The following EML4 variants were observed in gnomAD, a reference collection of about 807,000 sequenced individuals.
EML4 encodes the protein EMAP like 4.
In EML4, 72 loss-of-function variants were observed where a neutral mutation model predicts 129.0. The observed-to-expected ratio is 0.56, with a 90% confidence interval of 0.46 to 0.68. The LOEUF is 0.68. Ranked by LOEUF, EML4 falls within the 30% of genes least tolerant of loss-of-function variation. EML4 has a pLI of 0.00. For missense variants in EML4, 1,363 were observed against 1,190.6 expected, an observed-to-expected ratio of 1.14 and a Z score of -2.13; for synonymous variants, 532 against 405.0, an observed-to-expected ratio of 1.31 and a Z score of -3.77.
In EML4 at chr2:42,261,185, A is replaced by C. The variant is rs770348859; in HGVS notation, c.403A>C (p.Asn135His). ...AGAAAAAAAAGAGGAATCTCATTCTAATGATCAAAGTCCACAAATTCGAGC... is the reference window on the plus strand; with the variant it reads ...AGAAAAAAAAGAGGAATCTCATTCTCATGATCAAAGTCCACAAATTCGAGC... The part of the protein sequence containing the change: ...QREKKEESHS[N>H]DQSPQIRASP... The change falls in exon 4 of 23, where the codon AAT (asparagine) becomes CAT (histidine). Residue 135 changes from asparagine (N) to histidine (H), a missense_variant. By Grantham distance (68) the Asn-to-His change is moderately conservative. Transcript: ENST00000318522. The C allele has an allele frequency of 5.0e-6, 8 of 1,613,916 alleles. No homozygotes were observed. Among genetic ancestry groups the C allele is most frequent in the Non-Finnish European group, 6.8e-6 (8 of 1,179,860 alleles).
At position 42,330,927 on chromosome 2, in the gene EML4, T is replaced by C. The variant is rs1670069604; in HGVS notation, c.*720T>C. 1 of 203,968 alleles carries C rather than the reference T, an allele frequency of 4.9e-6. No homozygotes were observed. Among genetic ancestry groups the C allele is most frequent in the South Asian group, 1.9e-4 (1 of 5,324 alleles). The allele number at this position is 203,968 out of a possible 1,614,324, so 12.6% of individuals were successfully genotyped here. A position where few individuals can be genotyped will look rare whatever the true frequency, so the allele number is the denominator to read the frequency against. Reference sequence around the variant, plus strand: ...AGAGCATTGGTTTGTTAAAGAGCTTTCAATGTATATTAAAACCTTCAATAC... The same window carrying C: ...AGAGCATTGGTTTGTTAAAGAGCTTCCAATGTATATTAAAACCTTCAATAC... On this transcript the variant is annotated 3_prime_UTR_variant, in exon 23 of 23. Coordinates refer to ENST00000318522, the MANE Select transcript of EML4 (RefSeq NM_019063.5).
intron 17 of EML4, among the ~76,000 whole-genome samples, chr2:42,314,328 C>T (rs937169517): frequency 7.2e-5 from 11 of 152,004 alleles, no homozygotes; most frequent in Non-Finnish European, 1.5e-4. Flanking sequence ...CACTGCACTC[C>T]AGCCTGGGGG....
intron 1 of EML4, among the ~76,000 whole-genome samples, chr2:42,230,881 C>T (rs1376075625): frequency 2.6e-5 from 4 of 152,262 alleles, no homozygotes; most frequent in South Asian, 2.1e-4. Flanking sequence ...TCTATTTTAG[C>T]CCTTCACATC....
intron 19 of EML4, among the ~76,000 whole-genome samples, chr2:42,323,945 AT>A (rs954107377): frequency 3.3e-5 from 5 of 150,346 alleles, no homozygotes; most frequent in African/African-American, 1.2e-4. Flanking sequence ...CTCTGTCTCA[AT>A]TAAAAAAAAA....
At position 42,169,645 on chromosome 2, in the gene EML4, G is replaced by A; in HGVS notation, c.25+9G>A. On this transcript the variant is annotated intron_variant, in intron 1 of 22. Coordinates refer to ENST00000318522, the MANE Select transcript of EML4 (RefSeq NM_019063.5). ...TTTCGCCGGCAGTCTCGGTGAGTAC[G>A]GCTGGGGAGTCCTGCGTCTTCTGCG... is the stretch of plus-strand genomic sequence containing the variant. 1 of 1,600,668 alleles carries A rather than the reference G, an allele frequency of 6.2e-7. No homozygotes were observed. The highest frequency in any genetic ancestry group is 8.5e-7 in the Non-Finnish European group (1 of 1,173,918).
chr2:42,222,101 AAC>A (rs1382580917), intron 1 of EML4, among the ~76,000 whole-genome samples: 1 of 152,114 alleles, frequency 6.6e-6, no homozygotes, highest in African/African-American at 2.4e-5. Flanking sequence ...CATGTTAATT[AAC>A]ACACCAGTGA....
rs978816145 is a variant in EML4 at position 42,303,221 on chromosome 2, G to C, written c.1759G>C (p.Glu587Gln). The C allele has an allele frequency of 6.2e-7, 1 of 1,614,148 alleles. No individual in the cohort carries two copies. The highest frequency in any genetic ancestry group is 8.5e-7 in the Non-Finnish European group (1 of 1,180,016). The change falls in exon 15 of 23, where the codon GAA becomes CAA. Residue 587 changes from glutamate to glutamine, a missense_variant. Transcript: ENST00000318522. ...RGTFNDGFQI[E>Q]VQGHTDELWG... ...AACATTTAATGATGGCTTCCAAATA[G>C]AAGTACAGGTAAGCTGTGTGATATT...
intron 1 of EML4, among the ~76,000 whole-genome samples, chr2:42,240,574 C>T (rs1254379311): frequency 6.6e-6 from 1 of 152,198 alleles, no homozygotes; most frequent in Non-Finnish European, 1.5e-5. Flanking sequence ...TTAGCTTATG[C>T]TCCTACTCTG....
intron 3 of EML4, among the ~76,000 whole-genome samples, chr2:42,259,722 CTTTTTTTTTTTTTT>C (rs780243101): frequency 1.0e-5 from 1 of 98,346 alleles, no homozygotes; most frequent in Non-Finnish European, 1.9e-5. Context: ...TTCTTTCTTT[CTTTTTTTTTTTTTT>C]TTTTTTTTTT....
At chr2:42,218,929 G>T (rs1453076403) in intron 1 of EML4, among the ~76,000 whole-genome samples, 1 of 152,088 alleles carries the variant, frequency 6.6e-6, no homozygotes, top group African/African-American at 2.4e-5. Context: ...CTCGCAAGCA[G>T]CTAGGAATAC....
At chr2:42,191,407 T>G (rs1184533066) in intron 1 of EML4, among the ~76,000 whole-genome samples, 1 of 152,146 alleles carries the variant, frequency 6.6e-6, no homozygotes, top group Non-Finnish European at 1.5e-5. Flanking sequence ...CAACACTAGT[T>G]TGAGAAATTC....
At chr2:42,175,109 T>TTTTGTTTG (rs778141349) in intron 1 of EML4, among the ~76,000 whole-genome samples, 1 of 143,088 alleles carries the variant, frequency 7.0e-6, no homozygotes, top group South Asian at 2.3e-4. Flanking sequence ...CTGGCCGTGT[T>TTTTGTTTG]TTTGTTTGTT....
At chr2:42,253,891 G>A (rs1675953762) in intron 2 of EML4, among the ~76,000 whole-genome samples, 1 of 152,108 alleles carries the variant, frequency 6.6e-6, no homozygotes, top group Non-Finnish European at 1.5e-5. Flanking sequence ...ACAAGCATAA[G>A]CTATAAGAGA....
chr2:42,220,675 A>C (rs932802549), intron 1 of EML4, among the ~76,000 whole-genome samples: 2 of 152,148 alleles, frequency 1.3e-5, no homozygotes, highest in Admixed American at 6.5e-5. Flanking sequence ...CAAAAGCTAG[A>C]AATGATGAAG....
intron 5 of EML4, among the ~76,000 whole-genome samples, chr2:42,263,811 C>G (rs1028657389): frequency 1.3e-5 from 2 of 152,108 alleles, no homozygotes; most frequent in African/African-American, 4.8e-5. Context: ...CTCACTGCAA[C>G]CTCCGCCTCC....
At chr2:42,264,934 G>A (rs1665969608) in intron 6 of EML4, 20 of 1,549,788 alleles carry the variant, frequency 1.3e-5, no homozygotes, top group African/African-American at 4.1e-5. Context: ...ATGTCAACTC[G>A]CGAAAAAAAC....
chr2:42,170,246 G>T (rs1466009413), intron 1 of EML4: 1 of 152,332 alleles, frequency 6.6e-6, no homozygotes, highest in African/African-American at 2.4e-5. Context: ...GCATTTTGCA[G>T]TGGTGGAGAG....
intron 1 of EML4, among the ~76,000 whole-genome samples, chr2:42,182,380 A>G (rs964125864): frequency 2.2e-4 from 30 of 135,478 alleles, no homozygotes; most frequent in African/African-American, 8.5e-4. Flanking sequence ...CTGCCCCCTC[A>G]TCTTGTGCCG....
intron 1 of EML4, among the ~76,000 whole-genome samples, chr2:42,219,919 C>G (rs940611041): frequency 2.6e-5 from 3 of 114,910 alleles, no homozygotes; most frequent in African/African-American, 1.1e-4. Context: ...GAAGGAGACT[C>G]CATCTAAAAA....
Sources: gnomAD v4.1 joint callset for allele counts (sites outside exome capture counted in the v4.1 genomes callset) on GRCh38, gnomAD v4.1.1 for gene constraint, MANE v1.5 for transcripts, NCBI Gene and HGNC (gene_info 2026-07-23, HGNC 2026-07-21) for gene names.